Variants in KHDRBS2 observed in about 807,000 individuals in gnomAD.
The protein encoded by KHDRBS2 is KH RNA binding domain containing, signal transduction associated 2.
KHDRBS2 carries 26 observed loss-of-function variants against 44.3 expected under a neutral mutation model. The ratio of observed to expected loss-of-function variants is 0.59; its 90% CI spans 0.43 to 0.81. The LOEUF is 0.81. Ranked by LOEUF, KHDRBS2 falls within the 40% of genes least tolerant of loss-of-function variation. The pLI is 0.00. For missense variants in KHDRBS2, 476 were observed against 433.1 expected (o/e 1.10, Z -0.88); for synonymous variants, 194 against 151.1 (o/e 1.28, Z -2.08).
At chr6:62,213,685 T>A (rs1447337458) in intron 1 of KHDRBS2, among the ~76,000 whole-genome samples, 2 of 151,474 alleles carry the variant, frequency 1.3e-5, no homozygotes, top group African/African-American at 4.9e-5. Flanking sequence ...CCATCCTGGC[T>A]AACACGGTGC....
intron 7 of KHDRBS2, among the ~76,000 whole-genome samples, chr6:61,715,526 G>C (rs931245765): frequency 1.3e-5 from 2 of 151,890 alleles, no homozygotes; most frequent in Non-Finnish European, 2.9e-5. Context: ...CAAGTGATGA[G>C]GTCCTTGCCT....
At chr6:62,101,806 T>A (rs1333596833) in intron 2 of KHDRBS2, among the ~76,000 whole-genome samples, 1 of 152,248 alleles carries the variant, frequency 6.6e-6, no homozygotes, top group African/African-American at 2.4e-5. Context: ...AGACCTAAAA[T>A]TCAATGCAAA....
At chr6:61,579,350 G>A in the KHDRBS2 span, among the ~76,000 whole-genome samples, 1 of 152,158 alleles carries the variant, frequency 6.6e-6, no homozygotes, top group Non-Finnish European at 1.5e-5. Context: ...CAGTAAATAT[G>A]TGTGGTTGAA....
chr6:61,740,986 C>T (rs529197291), intron 6 of KHDRBS2, among the ~76,000 whole-genome samples: 5 of 151,876 alleles, frequency 3.3e-5, no homozygotes, highest in Non-Finnish European at 5.9e-5. Context: ...ACACAATGTT[C>T]CAAGCACTAC....
intron 4 of KHDRBS2, among the ~76,000 whole-genome samples, chr6:61,930,025 T>G (rs559592319): frequency 2.6e-5 from 4 of 152,292 alleles, no homozygotes; most frequent in Admixed American, 6.5e-5. Context: ...GATTAAGTCA[T>G]GAAGGCAGAG....
chr6:61,872,041 G>A (rs1214270254), intron 6 of KHDRBS2, among the ~76,000 whole-genome samples: 2 of 152,058 alleles, frequency 1.3e-5, no homozygotes, highest in African/African-American at 4.8e-5. Flanking sequence ...GTGTATGCCT[G>A]TGTAACAAAA....
intron 2 of KHDRBS2, among the ~76,000 whole-genome samples, chr6:62,101,376 C>T (rs1247551990): frequency 6.6e-6 from 1 of 151,978 alleles, no homozygotes; most frequent in Non-Finnish European, 1.5e-5. Context: ...ACTGCAAGGT[C>T]TTGGATTTCA....
chr6:62,177,957 A>C (rs1483162344), intron 1 of KHDRBS2, among the ~76,000 whole-genome samples: 2 of 151,418 alleles, frequency 1.3e-5, no homozygotes, highest in African/African-American at 4.8e-5. Flanking sequence ...CCACTCCTTC[A>C]TTTTTGAATC....
At chr6:61,670,113 A>G in the KHDRBS2 span, among the ~76,000 whole-genome samples, 1 of 151,334 alleles carries the variant, frequency 6.6e-6, no homozygotes, top group African/African-American at 2.4e-5. Flanking sequence ...TTTTTAAACT[A>G]CATATTTACT....
chr6:61,937,157 T>A lies in KHDRBS2; in HGVS notation c.484-35786A>T, dbSNP rs978855356. Among the ~76,000 whole-genome samples the A allele has an allele frequency of 8.5e-4, 129 of 152,116 alleles. 1 individual carries two copies. Among genetic ancestry groups the A allele is most frequent in the Middle Eastern group, 3.4e-3 (1 of 294 alleles). ...CTTCTCAGGTCCATCTTTTGGCATA[T>A]GAATATTATTCTAAATTGTGTCTGG... On this transcript the variant is annotated intron_variant, in intron 4 of 8. Coordinates refer to ENST00000281156, the MANE Select transcript of KHDRBS2 (RefSeq NM_152688.4).
chr6:62,072,400 G>T (rs1795348550), intron 2 of KHDRBS2, among the ~76,000 whole-genome samples: 2 of 151,468 alleles, frequency 1.3e-5, no homozygotes, highest in African/African-American at 4.8e-5. Context: ...GTGGTGAGAG[G>T]GCATCCCTGT....
intron 2 of KHDRBS2, among the ~76,000 whole-genome samples, chr6:62,118,790 C>T (rs1248476256): frequency 6.6e-6 from 1 of 152,190 alleles, no homozygotes; most frequent in African/African-American, 2.4e-5. Flanking sequence ...CTAAGTTCTA[C>T]AGCTTTTGGA....
intron 7 of KHDRBS2, among the ~76,000 whole-genome samples, chr6:61,701,941 C>G (rs1768749143): frequency 6.6e-6 from 1 of 151,892 alleles, no homozygotes; most frequent in Non-Finnish European, 1.5e-5. Context: ...AGAACTACAC[C>G]AATACTTAAT....
At chr6:61,688,608 CT>C (rs1767060845) in intron 8 of KHDRBS2, among the ~76,000 whole-genome samples, 1 of 151,888 alleles carries the variant, frequency 6.6e-6, no homozygotes, top group Admixed American at 6.6e-5. Context: ...CTTACTCCCC[CT>C]ACATTCTTCA....
chr6:61,685,750 G>C (rs1192180460), intron 8 of KHDRBS2, among the ~76,000 whole-genome samples: 1 of 151,724 alleles, frequency 6.6e-6, no homozygotes, highest in Non-Finnish European at 1.5e-5. Flanking sequence ...TGTGCGAAAT[G>C]AGGCCTATTA....
the KHDRBS2 span, among the ~76,000 whole-genome samples, chr6:61,578,228 C>T: frequency 6.6e-6 from 1 of 152,086 alleles, no homozygotes; most frequent in East Asian, 1.9e-4. Flanking sequence ...TTTGCACCAA[C>T]CTAATAGCTC....
Position 61,899,732 on chromosome 6 carries a change from T to G in KHDRBS2, c.611+1512A>C, listed in dbSNP as rs9453402. On this transcript the variant is annotated intron_variant, in intron 5 of 8. Coordinates refer to ENST00000281156, the MANE Select transcript of KHDRBS2 (RefSeq NM_152688.4). ...AATGCAGATAAATTCATTGTTTTAA[T>G]GCCCCCCCCCCGCATTTTAAGGCAT... Among the ~76,000 whole-genome samples the G allele has an allele frequency of 2.3e-3, 147 of 62,768 alleles. 1 individual carries two copies. The highest frequency in any genetic ancestry group is 7.2e-3 in the South Asian group (13 of 1,806). 41.2% of individuals were successfully genotyped at this position (62,768 alleles called of 152,430 possible). A position where few individuals can be genotyped will look rare whatever the true frequency, so the allele number is the denominator to read the frequency against.
intron 7 of KHDRBS2, among the ~76,000 whole-genome samples, chr6:61,727,292 A>C (rs1400920308): frequency 6.6e-6 from 1 of 152,198 alleles, no homozygotes; most frequent in Admixed American, 6.5e-5. Context: ...AAGATAAATT[A>C]AATACTTAAA....
At chr6:61,603,529 A>T in the KHDRBS2 span, among the ~76,000 whole-genome samples, 3,714 of 152,196 alleles carry the variant, frequency 0.024, 69 homozygotes, top group Middle Eastern at 0.085. Flanking sequence ...AGCCGGGACC[A>T]TGCCCTGTAG....
Sources: allele counts gnomAD v4.1 joint callset (sites outside exome capture counted in the v4.1 genomes callset), GRCh38; gene constraint gnomAD v4.1.1; transcripts MANE v1.5; gene names NCBI Gene and HGNC (gene_info 2026-07-23, HGNC 2026-07-21).